The following NRN1 variants were observed in gnomAD, a reference collection of about 807,000 sequenced individuals.
NRN1 encodes the protein neuritin.
Under a neutral mutation model 15.0 loss-of-function variants are expected in NRN1, and 4 were observed. The ratio of observed to expected loss-of-function variants is 0.27; its 90% CI spans 0.13 to 0.61. NRN1 has a LOEUF of 0.61. Ranked by LOEUF, NRN1 falls within the 20% of genes least tolerant of loss-of-function variation. The pLI is 0.87. For synonymous variants in NRN1, 85 were observed against 79.8 expected (o/e 1.07, Z -0.35); for missense variants, 134 against 181.9 (o/e 0.74, Z 1.51).
chr6:6,001,252 A>G (rs1292244980), intron 2 of NRN1, among the ~76,000 whole-genome samples: 1 of 152,206 alleles, frequency 6.6e-6, no homozygotes, highest in African/African-American at 2.4e-5. Flanking sequence ...GGAGTGAGGA[A>G]AGACTTCACA....
chr6:6,003,178 T>C, intron 1 of NRN1: 1 of 1,233,842 alleles, frequency 8.1e-7, no homozygotes, highest in East Asian at 3.2e-5. Context: ...CCGTGGACTC[T>C]GTATTCCGAG....
upstream of NRN1, chr6:6,006,952 A>C: frequency 9.8e-6 from 1 of 101,766 alleles, no homozygotes; most frequent in South Asian, 9.3e-5. Context: ...AGAGAGAGAG[A>C]GAGAGGCTGA....
chr6:6,002,325 A>G, intron 2 of NRN1, 28 bp downstream of exon 2: 1 of 1,610,734 alleles, frequency 6.2e-7, no homozygotes, highest in Non-Finnish European at 8.5e-7. Flanking sequence ...CCAAAACCGA[A>G]GTCCAGCCGG....
At position 6,002,333 on chromosome 6, in the gene NRN1, C is replaced by T. The variant is rs769331337; in HGVS notation, c.200+20G>A. The stretch of plus-strand genomic sequence containing the variant: ...AGCGCCCCCAAAACCGAAGTCCAGC[C>T]GGCCAGAGAGGACACTTACGTGCAC... On this transcript the variant is annotated intron_variant, in intron 2 of 2. Coordinates refer to ENST00000244766, the MANE Select transcript of NRN1 (RefSeq NM_016588.3). 3.7e-6 allele frequency: 6 copies of T among 1,611,586 alleles called. No homozygotes were observed. Among genetic ancestry groups the T allele is most frequent in the Middle Eastern group, 1.7e-4 (1 of 6,056 alleles).
At chr6:6,002,658 C>A (rs1757985751) in intron 1 of NRN1, among the ~76,000 whole-genome samples, 161 bp from the exon 2 acceptor site, 1 of 152,252 alleles carries the variant, frequency 6.6e-6, no homozygotes, top group Admixed American at 6.5e-5. Context: ...GAATGAAAGA[C>A]GTGACCCAGG....
intron 1 of NRN1, among the ~76,000 whole-genome samples, chr6:6,004,805 C>T (rs1169680747): frequency 2.6e-5 from 4 of 152,048 alleles, no homozygotes; most frequent in South Asian, 2.1e-4. Context: ...TCCTCTCTGC[C>T]GTCCCCTTCT....
At position 5,999,091 on chromosome 6, in the gene NRN1, C is replaced by T; in HGVS notation, c.314G>A (p.Gly105Asp). The change falls in exon 3 of 3, where the codon GGC (glycine) becomes GAC (aspartate). Residue 105 changes from glycine to aspartate, a missense_variant. Gly to Asp is a moderately conservative substitution (Grantham distance 94). Transcript: ENST00000244766. ...GCTGCCGCAGAGTTCGAATAAGCTG[C>T]CTTGGATGTTGAGGTTTTTGGATTC... The part of the protein sequence containing the change: ...RKESKNLNIQ[G>D]SLFELCGSGN... 6.2e-7 allele frequency: 1 copy of T among 1,614,174 alleles called. No individual in the cohort carries two copies. Among genetic ancestry groups the T allele is most frequent in the Non-Finnish European group, 8.5e-7 (1 of 1,180,036 alleles).
At chr6:6,006,439 A>C (rs573840120) in intron 1 of NRN1, among the ~76,000 whole-genome samples, 1 of 152,218 alleles carries the variant, frequency 6.6e-6, no homozygotes, top group African/African-American at 2.4e-5. Context: ...TGTGCTCAGG[A>C]AAAAGGGGGA....
At position 6,006,790 on chromosome 6, in the gene NRN1, ATAGT is replaced by A. The variant is rs1387470836; in HGVS notation, c.-45_-42del. The A allele has an allele frequency of 1.9e-6, 3 of 1,604,908 alleles. No homozygotes were observed. Among genetic ancestry groups the A allele is most frequent in the Admixed American group, 1.7e-5 (1 of 59,990 alleles). On this transcript the variant is annotated 5_prime_UTR_variant, in exon 1 of 3. It removes the in-frame stop codon of an upstream open reading frame in the 5' UTR. Transcript: ENST00000244766. ...ACCATTTGCGACCGCAGACCTTTAAATAGTTAGTTTAGAGAACGCGGGGGAAAGC... is the reference window on the plus strand; with the variant it reads ...ACCATTTGCGACCGCAGACCTTTAAATAGTTTAGAGAACGCGGGGGAAAGC...
Position 6,006,900 on chromosome 6 carries a change from A to G in NRN1, c.-151T>C, listed in dbSNP as rs929243390. 9.5e-5 allele frequency: 44 copies of G among 464,196 alleles called. No homozygotes were observed. Among genetic ancestry groups the G allele is most frequent in the Non-Finnish European group, 1.8e-4 (44 of 240,308 alleles). The allele number at this position is 464,196 out of a possible 1,614,324, so 28.8% of individuals were successfully genotyped here. On this transcript the variant is annotated 5_prime_UTR_variant, in exon 1 of 3. Coordinates refer to ENST00000244766, the MANE Select transcript of NRN1 (RefSeq NM_016588.3). Reference sequence around the variant, plus strand: ...GAAGGCAGAGGGAGGAGAGAAAGAGAGGGAGCGAGGAAGAGACAGAAAGAG... The same window carrying G: ...GAAGGCAGAGGGAGGAGAGAAAGAGGGGGAGCGAGGAAGAGACAGAAAGAG...
At chr6:6,004,086 A>G in intron 1 of NRN1, 1 of 1,074,846 alleles carries the variant, frequency 9.3e-7, no homozygotes, top group Non-Finnish European at 1.1e-6. Context: ...TGCTGCAGGA[A>G]GAGCGAGGCG....
chr6:6,000,722 C>CTTTTTTTTTTTTTTTTTT (rs55712329), intron 2 of NRN1, among the ~76,000 whole-genome samples: 1 of 60,816 alleles, frequency 1.6e-5, no homozygotes, highest in African/African-American at 6.7e-5. Context: ...CTAAATTGCT[C>CTTTTTTTTTTTTTTTTTT]TTTTTTTTTT....
In NRN1 at chr6:5,999,059, C is replaced by T; in HGVS notation, c.346G>A (p.Gly116Arg). 2.5e-6 allele frequency: 4 copies of T among 1,614,022 alleles called. No individual in the cohort carries two copies. Among genetic ancestry groups the T allele is most frequent in the South Asian group, 2.2e-5 (2 of 91,086 alleles). The change falls in exon 3 of 3, where the codon GGG becomes AGG. Residue 116 changes from glycine (G) to arginine (R), a missense_variant. Gly to Arg is a moderately radical substitution (Grantham distance 125). Coordinates refer to ENST00000244766, the MANE Select transcript of NRN1 (RefSeq NM_016588.3). ...SLFELCGSGNGAAGSLLPAFP... is the reference protein window; with the variant it reads ...SLFELCGSGNRAAGSLLPAFP... ...GCCGGGAGCAGGGACCCCGCCGCCCCGTTGCCGCTGCCGCAGAGTTCGAAT... is the reference window on the plus strand; with the variant it reads ...GCCGGGAGCAGGGACCCCGCCGCCCTGTTGCCGCTGCCGCAGAGTTCGAAT...
Position 6,006,906 on chromosome 6 carries a change from C to G in NRN1, c.-157G>C. ...AGAGGGAGGAGAGAAAGAGAGGGAG[C>G]GAGGAAGAGACAGAAAGAGAGAGAG... On this transcript the variant is annotated 5_prime_UTR_variant, in exon 1 of 3. Transcript: ENST00000244766. The G allele has an allele frequency of 9.4e-6, 3 of 319,780 alleles. No homozygotes were observed. Among genetic ancestry groups the G allele is most frequent in the East Asian group, 8.0e-5 (1 of 12,512 alleles). 19.8% of individuals were successfully genotyped at this position (319,780 alleles called of 1,614,324 possible).
Position 5,999,078 on chromosome 6 carries a change from T to C in NRN1, c.327A>G (p.Glu109=). The C allele has an allele frequency of 1.2e-6, 2 of 1,613,910 alleles. No homozygotes were observed. Among genetic ancestry groups the C allele is most frequent in the Non-Finnish European group, 1.7e-6 (2 of 1,179,956 alleles). The change falls in exon 3 of 3, where the codon GAA becomes GAG. Residue 109 remains glutamate (E), a synonymous_variant. Coordinates refer to ENST00000244766, the MANE Select transcript of NRN1 (RefSeq NM_016588.3). ...KNLNIQGSLF[E]LCGSGNGAAG... ...CCGCCCCGTTGCCGCTGCCGCAGAGTTCGAATAAGCTGCCTTGGATGTTGA... is the reference window on the plus strand; with the variant it reads ...CCGCCCCGTTGCCGCTGCCGCAGAGCTCGAATAAGCTGCCTTGGATGTTGA...
intron 1 of NRN1, among the ~76,000 whole-genome samples, chr6:6,004,934 C>T (rs1758067611): frequency 6.6e-6 from 1 of 152,084 alleles, no homozygotes; most frequent in Admixed American, 6.6e-5. Context: ...TCCCAACCCC[C>T]ACTTTTCTTG....
chr6:6,003,854 T>C, intron 1 of NRN1: 1 of 1,232,826 alleles, frequency 8.1e-7, no homozygotes, highest in Non-Finnish European at 1.0e-6. Context: ...AGGGTGAATC[T>C]CAGAATCGAA....
chr6:6,002,219 G>T, intron 2 of NRN1, 134 bp downstream of exon 2: 2 of 1,181,352 alleles, frequency 1.7e-6, no homozygotes, highest in Non-Finnish European at 1.2e-6. Flanking sequence ...GGGGGTTGGA[G>T]CCAGAAGGCA....
intron 1 of NRN1, chr6:6,003,627 G>T: frequency 1.0e-6 from 1 of 997,760 alleles, no homozygotes; most frequent in Non-Finnish European, 1.3e-6. Context: ...CCGCACGAAG[G>T]TCCAAGCCCC....
Sources: allele counts gnomAD v4.1 joint callset (sites outside exome capture counted in the v4.1 genomes callset), GRCh38; gene constraint gnomAD v4.1.1; transcripts MANE v1.5; gene names NCBI Gene and HGNC (gene_info 2026-07-23, HGNC 2026-07-21).